The following FHIT variants were observed in gnomAD, a reference collection of about 807,000 sequenced individuals.
FHIT encodes the protein bis(5'-adenosyl)-triphosphatase.
FHIT carries 19 observed loss-of-function variants against 17.9 expected under a neutral mutation model. The observed-to-expected ratio is 1.06, with a 90% confidence interval of 0.74 to 1.56. The LOEUF (loss-of-function observed/expected upper bound fraction) is 1.56, where lower values mean the gene tolerates loss of function less well. Among genes scored for constraint, FHIT ranks in the 40% most tolerant of loss-of-function variants. The pLI is 0.00. For synonymous variants in FHIT, 81 were observed against 69.7 expected (o/e 1.16, Z -0.81); for missense variants, 248 against 189.2 (o/e 1.31, Z -1.82).
intron 5 of FHIT, among the ~76,000 whole-genome samples, chr3:60,500,498 G>A (rs561709890): frequency 3.3e-5 from 5 of 152,068 alleles, no homozygotes; most frequent in East Asian, 3.9e-4. Flanking sequence ...GGCTGGGCAC[G>A]GTGGCTCACG....
intron 2 of FHIT, among the ~76,000 whole-genome samples, chr3:61,085,558 ATTCTGTGGTTTGTC>A (rs1335429471): frequency 2.0e-5 from 3 of 152,084 alleles, no homozygotes; most frequent in African/African-American, 7.2e-5. Flanking sequence ...ATCTCATCCC[ATTCTGTGGTTTGTC>A]TTTTTATTTT....
At chr3:60,141,454 G>A (rs954266795) in intron 5 of FHIT, among the ~76,000 whole-genome samples, 4 of 148,796 alleles carry the variant, frequency 2.7e-5, no homozygotes, top group South Asian at 2.1e-4. Flanking sequence ...AAATCAAAGC[G>A]AGAAAGTCCC....
At chr3:60,957,484 G>A (rs201704919) in intron 3 of FHIT, among the ~76,000 whole-genome samples, 3 of 152,182 alleles carry the variant, frequency 2.0e-5, no homozygotes, top group Non-Finnish European at 4.4e-5. Flanking sequence ...TGATCCACCC[G>A]CCTTGGCCTC....
At chr3:60,228,019 ACTT>A (rs1461835179) in intron 5 of FHIT, among the ~76,000 whole-genome samples, 4 of 152,148 alleles carry the variant, frequency 2.6e-5, no homozygotes, top group African/African-American at 9.7e-5. Context: ...TTTTACTACC[ACTT>A]AACTTTTTCC....
intron 3 of FHIT, among the ~76,000 whole-genome samples, chr3:61,015,320 G>A (rs2032049973): frequency 6.6e-6 from 1 of 152,150 alleles, no homozygotes; most frequent in African/African-American, 2.4e-5. Context: ...GTAACTTTCA[G>A]TGGTTCTTGC....
At chr3:60,341,186 C>T (rs542840101) in intron 5 of FHIT, among the ~76,000 whole-genome samples, 5 of 152,176 alleles carry the variant, frequency 3.3e-5, no homozygotes, top group East Asian at 1.9e-4. Flanking sequence ...CTCATTCCAC[C>T]GTGGGGGTGT....
intron 4 of FHIT, among the ~76,000 whole-genome samples, chr3:60,722,569 T>C (rs542579441): frequency 5.5e-4 from 83 of 152,118 alleles, no homozygotes; most frequent in Non-Finnish European, 9.0e-4. Flanking sequence ...GTAGGATGTT[T>C]AGAAACATCC....
rs77571890 is a variant in FHIT at position 60,158,850 on chromosome 3, A to C, written c.104-144698T>G. Among the ~76,000 whole-genome samples, 786 of 151,728 alleles carry C rather than the reference A, an allele frequency of 5.2e-3. 8 individuals are homozygous for C. Among genetic ancestry groups the C allele is most frequent in the African/African-American group, 0.018 (738 of 41,364 alleles). On this transcript the variant is annotated intron_variant, in intron 5 of 9. Coordinates refer to ENST00000492590, the MANE Select transcript of FHIT (RefSeq NM_002012.4). ...CCTCCCTTCCTTAGACTCTCCCCCA[A>C]ATCACCCAAATGAACTCCAAATTCG... is the stretch of plus-strand genomic sequence containing the variant.
At chr3:60,492,319 T>C (rs189162404) in intron 5 of FHIT, among the ~76,000 whole-genome samples, 87 of 152,302 alleles carry the variant, frequency 5.7e-4, no homozygotes, top group African/African-American at 2.1e-3. Context: ...AGTCAAATAA[T>C]TGTTTCTCAC....
At chr3:60,058,005 T>C (rs1702148731) in intron 5 of FHIT, among the ~76,000 whole-genome samples, 1 of 152,000 alleles carries the variant, frequency 6.6e-6, no homozygotes, top group East Asian at 1.9e-4. Context: ...ATTCCACTTC[T>C]GTGAGGTACC....
intron 5 of FHIT, among the ~76,000 whole-genome samples, chr3:60,173,915 A>ATATATATATATATTTTTTTT: frequency 8.0e-4 from 53 of 66,406 alleles, no homozygotes; most frequent in East Asian, 1.6e-3. Flanking sequence ...ATATATATAT[A>ATATATATATATATTTTTTTT]TGTTTTTTTT....
chr3:61,216,781 T>C (rs1000377522), intron 1 of FHIT, among the ~76,000 whole-genome samples: 1 of 152,200 alleles, frequency 6.6e-6, no homozygotes, highest in Admixed American at 6.5e-5. Flanking sequence ...TAAGAAAATG[T>C]GGCACATATA....
chr3:60,330,172 G>A (rs912916247), intron 5 of FHIT, among the ~76,000 whole-genome samples: 1 of 152,090 alleles, frequency 6.6e-6, no homozygotes, highest in Non-Finnish European at 1.5e-5. Context: ...CTGGGCTCCC[G>A]GGATTCTAAG....
At chr3:60,071,536 T>G (rs912750773) in intron 5 of FHIT, among the ~76,000 whole-genome samples, 5 of 152,282 alleles carry the variant, frequency 3.3e-5, no homozygotes, top group African/African-American at 1.2e-4. Context: ...TTTCCATGTC[T>G]GGCATGCCTG....
chr3:60,621,871 CAA>C (rs10596787), intron 4 of FHIT, among the ~76,000 whole-genome samples: 59,795 of 136,924 alleles, frequency 0.44, 12,104 homozygotes, highest in East Asian at 0.5. Context: ...AGACACTCTC[CAA>C]AAAAAAAAAA....
intron 5 of FHIT, among the ~76,000 whole-genome samples, chr3:60,402,083 T>A (rs1467834052): frequency 1.3e-5 from 2 of 152,114 alleles, no homozygotes; most frequent in South Asian, 2.1e-4. Flanking sequence ...GTTTCCCCCA[T>A]CCCTGCCAGC....
At chr3:61,067,624 G>A (rs1450795847) in intron 2 of FHIT, among the ~76,000 whole-genome samples, 1 of 152,074 alleles carries the variant, frequency 6.6e-6, no homozygotes, top group Non-Finnish European at 1.5e-5. Flanking sequence ...ATAGCCCAGG[G>A]CTTCAGGTGA....
intron 3 of FHIT, among the ~76,000 whole-genome samples, chr3:60,955,610 A>ATATATATATATATGTATATATATATATG (rs1709093289): frequency 7.6e-5 from 1 of 13,120 alleles, no homozygotes; most frequent in Non-Finnish European, 1.8e-4. Flanking sequence ...ATATATATAT[A>ATATATATATATATGTATATATATATATG]TATATATATA....
intron 3 of FHIT, among the ~76,000 whole-genome samples, chr3:61,039,525 A>G (rs2033405921): frequency 6.6e-6 from 1 of 152,168 alleles, no homozygotes; most frequent in Non-Finnish European, 1.5e-5. Flanking sequence ...ACACAGCCAT[A>G]AAAAAGGATG....
Sources: allele counts gnomAD v4.1 joint callset (sites outside exome capture counted in the v4.1 genomes callset), GRCh38; gene constraint gnomAD v4.1.1; transcripts MANE v1.5; gene names NCBI Gene and HGNC (gene_info 2026-07-23, HGNC 2026-07-21).